Variants in SEMA6B observed in about 807,000 individuals in gnomAD.
The protein encoded by SEMA6B is semaphorin 6B.
A neutral mutation model predicts 78.6 loss-of-function variants in SEMA6B; 47 were observed. That is an observed-to-expected ratio of 0.60 (90% confidence interval 0.47 to 0.76). The LOEUF (loss-of-function observed/expected upper bound fraction) is 0.76, where lower values mean the gene tolerates loss of function less well. SEMA6B is among the 30% of genes least tolerant of loss of function. The pLI is 0.00. For missense variants in SEMA6B, 1,213 were observed against 1,269.9 expected (o/e 0.96, Z 0.68); for synonymous variants, 632 against 592.2 (o/e 1.07, Z -0.98).
rs770429487 is a variant in SEMA6B at position 4,558,348 on chromosome 19, G to A, written c.110C>T (p.Ala37Val). The change falls in exon 2 of 17, where the codon GCC becomes GTC. Residue 37 changes from alanine (A) to valine (V), a missense_variant. Coordinates refer to ENST00000586582, the MANE Select transcript of SEMA6B (RefSeq NM_032108.4). This position sits in a 1 kb window ranked among gnomAD's most constrained non-coding sequence, Gnocchi z 5.1. ...ACCCCCAGACTCACAGTCCCTGGGGGCCACGCTAAGCGGCGGCGGCTCCTC... is the reference window on the plus strand; with the variant it reads ...ACCCCCAGACTCACAGTCCCTGGGGACCACGCTAAGCGGCGGCGGCTCCTC... Reference protein sequence around the residue: ...FPEEPPPLSVAPRDYLNHYPV... With the variant: ...FPEEPPPLSVVPRDYLNHYPV... 5 of 1,307,634 alleles carry A rather than the reference G, an allele frequency of 3.8e-6. No homozygotes were observed. In the African/African-American group the frequency reaches 7.6e-5, roughly 20 times the overall value. The allele number at this position is 1,307,634 out of a possible 1,614,324, so 81.0% of individuals were successfully genotyped here.
chr19:4,546,157 C>T lies in SEMA6B; in HGVS notation c.1738+59G>A, dbSNP rs532315933. 85 of 1,500,942 alleles carry T rather than the reference C, an allele frequency of 5.7e-5. No homozygotes were observed. In the African/African-American group the frequency reaches 1.2e-3, roughly 20 times the overall value. The allele number at this position is 1,500,942 out of a possible 1,614,324, so 93.0% of individuals were successfully genotyped here. A position where few individuals can be genotyped will look rare whatever the true frequency, so the allele number is the denominator to read the frequency against. The stretch of plus-strand genomic sequence containing the variant: ...ATTCGAGGGTCCTCCAGCCTCCTCC[C>T]TCCCCTCCCCCATGGTAGTGGGGGA... On this transcript the variant is annotated intron_variant, in intron 16 of 16. Coordinates refer to ENST00000586582, the MANE Select transcript of SEMA6B (RefSeq NM_032108.4).
chr19:4,543,127 C>T lies in SEMA6B; in HGVS notation c.*474G>A, dbSNP rs1977062831. On this transcript the variant is annotated 3_prime_UTR_variant, in exon 17 of 17. Coordinates refer to ENST00000586582, the MANE Select transcript of SEMA6B (RefSeq NM_032108.4). ...CGGCCCCTTGCACACGAACACGGCA[C>T]GCACACGCACGCACACCCACACACG... is the stretch of plus-strand genomic sequence containing the variant. The T allele has an allele frequency of 4.9e-6, 3 of 616,846 alleles. No individual in the cohort carries two copies. Among genetic ancestry groups the T allele is most frequent in the Non-Finnish European group, 2.9e-6 (1 of 342,868 alleles). 38.2% of individuals were successfully genotyped at this position (616,846 alleles called of 1,614,324 possible).
In SEMA6B at chr19:4,554,317, G is replaced by A. The variant is rs1977412793; in HGVS notation, c.771+71C>T. ...CTCTCACCCCATGCAGGGATTCATG[G>A]ATCCACCTCTGCCCCCTCACTTCGC... On this transcript the variant is annotated intron_variant, in intron 9 of 16. Coordinates refer to ENST00000586582, the MANE Select transcript of SEMA6B (RefSeq NM_032108.4). 3 of 1,235,780 alleles carry A rather than the reference G, an allele frequency of 2.4e-6. No individual in the cohort carries two copies. In the South Asian group the frequency reaches 3.7e-5, roughly 15 times the overall value. The allele number at this position is 1,235,780 out of a possible 1,614,324, so 76.6% of individuals were successfully genotyped here.
chr19:4,549,960 T>A (rs529862239), intron 12 of SEMA6B, among the ~76,000 whole-genome samples, 163 bp downstream of exon 12: 1 of 152,264 alleles, frequency 6.6e-6, no homozygotes, highest in Admixed American at 6.5e-5. Flanking sequence ...GTTCTCTCTT[T>A]CCTAGTGTCT....
At position 4,556,998 on chromosome 19, in the gene SEMA6B, A is replaced by T; in HGVS notation, c.322T>A (p.Ser108Thr). ...CACACGTTTATGTCGCTGGGGTTAG[A>T]TCTCCAGGTCAGCTTCTGCAGACAG... ...LRYQRKLTWR[S>T]NPSDINVCRM... is the part of the protein sequence containing the mutation. The change falls in exon 5 of 17, where the codon TCT (serine) becomes ACT (threonine). Residue 108 changes from serine to threonine, a missense_variant. Physicochemically the swap from Ser to Thr is moderately conservative, Grantham distance 58. Coordinates refer to ENST00000586582, the MANE Select transcript of SEMA6B (RefSeq NM_032108.4). The T allele has an allele frequency of 3.1e-6, 5 of 1,613,158 alleles. No homozygotes were observed. Among genetic ancestry groups the T allele is most frequent in the Non-Finnish European group, 4.2e-6 (5 of 1,179,596 alleles).
chr19:4,554,058 A>T (rs1295428104), intron 9 of SEMA6B, among the ~76,000 whole-genome samples: 2 of 148,936 alleles, frequency 1.3e-5, no homozygotes, highest in Non-Finnish European at 3.0e-5. Context: ...CAGATGGGTA[A>T]GTGGGAGGGT....
Position 4,548,107 on chromosome 19 carries a change from C to G in SEMA6B, c.1521G>C (p.Ser507=), listed in dbSNP as rs1034010028. Reference sequence around the variant, plus strand: ...GGGGGAAGGCAGCCAGCAGGCCCCCCGAAGCTGCGTCCAGCTCCAAGCTCA... The same window carrying G: ...GGGGGAAGGCAGCCAGCAGGCCCCCGGAAGCTGCGTCCAGCTCCAAGCTCA... ...RLLSLELDAA[S]GGLLAAFPRC... Residue 507 remains serine, a synonymous_variant, in exon 14 of 17, where the codon TCG becomes TCC. Transcript: ENST00000586582. 6.9e-6 allele frequency: 11 copies of G among 1,590,600 alleles called. No individual in the cohort carries two copies. The Admixed American group carries it at 1.4e-4, about 20-fold the overall frequency.
chr19:4,544,647 A>C lies in SEMA6B; in HGVS notation c.1739-118T>G. On this transcript the variant is annotated intron_variant, in intron 16 of 16. Coordinates refer to ENST00000586582, the MANE Select transcript of SEMA6B (RefSeq NM_032108.4). This position sits in a 1 kb window ranked among gnomAD's most constrained non-coding sequence, Gnocchi z 5.1. ...TATTTTTATTTTTTTTTATTTATTT[A>C]TTTTTTGAGAAGGAGTCTTCCTTTG... The C allele has an allele frequency of 1.8e-6, 1 of 558,122 alleles. No individual in the cohort carries two copies. The highest frequency in any genetic ancestry group is 2.7e-6 in the Non-Finnish European group (1 of 370,690). The allele number at this position is 558,122 out of a possible 1,614,324, so 34.6% of individuals were successfully genotyped here.
chr19:4,546,933 TAA>T (rs1274235951), intron 14 of SEMA6B, among the ~76,000 whole-genome samples: 1 of 147,008 alleles, frequency 6.8e-6, no homozygotes, highest in Non-Finnish European at 1.5e-5. Context: ...ATTTTAAAAT[TAA>T]AAAAATTTTT....
At chr19:4,547,444 G>C (rs1174710589) in intron 14 of SEMA6B, among the ~76,000 whole-genome samples, 1 of 152,252 alleles carries the variant, frequency 6.6e-6, no homozygotes, top group African/African-American at 2.4e-5. Context: ...CTTGGACTCG[G>C]AGCTACTGGG....
In SEMA6B at chr19:4,558,445, G is replaced by T. The variant is rs1444170347; in HGVS notation, c.13C>A (p.Arg5=). 1.6e-6 allele frequency: 2 copies of T among 1,249,008 alleles called. No individual in the cohort carries two copies. The highest frequency in any genetic ancestry group is 4.1e-5 in the Admixed American group (1 of 24,154). The allele number at this position is 1,249,008 out of a possible 1,614,324, so 77.4% of individuals were successfully genotyped here. MQTP[R]ASPPRPALLL... ...AGGGCCGGGCGGGGAGGGGACGCTC[G>T]CGGGGTCTGCATGGCGAGGGCCAGG... is the stretch of plus-strand genomic sequence containing the variant. The change falls in exon 2 of 17, where the codon CGA becomes AGA. Residue 5 remains arginine, a synonymous_variant. Coordinates refer to ENST00000586582, the MANE Select transcript of SEMA6B (RefSeq NM_032108.4). This position sits in a 1 kb window ranked among gnomAD's most constrained non-coding sequence, Gnocchi z 5.1.
Position 4,552,494 on chromosome 19 carries a change from T to C in SEMA6B, c.917A>G (p.Gln306Arg). 6.2e-7 allele frequency: 1 copy of C among 1,612,254 alleles called. No homozygotes were observed. Among genetic ancestry groups the C allele is most frequent in the Non-Finnish European group, 8.5e-7 (1 of 1,179,734 alleles). The change falls in exon 10 of 17, where the codon CAG becomes CGG. Residue 306 changes from glutamine (Q) to arginine (R), a missense_variant. Coordinates refer to ENST00000586582, the MANE Select transcript of SEMA6B (RefSeq NM_032108.4). The surrounding 1 kb of genome is among the most constrained non-coding windows in gnomAD (Gnocchi z 7.4). ...GAGGCTGACCACGCCCGTGACAGCC[T>C]GCAGCACGTTGAAGTAGAAATGGGA... is the stretch of plus-strand genomic sequence containing the variant. ...GDSHFYFNVL[Q>R]AVTGVVSLGG...
rs112291865 is a variant in SEMA6B at position 4,544,181 on chromosome 19, T to A, written c.2087A>T (p.Gln696Leu). 1.6e-6 allele frequency: 2 copies of A among 1,269,590 alleles called. No homozygotes were observed. The highest frequency in any genetic ancestry group is 3.1e-5 in the African/African-American group (2 of 64,278). 78.6% of individuals were successfully genotyped at this position (1,269,590 alleles called of 1,614,324 possible). A position where few individuals can be genotyped will look rare whatever the true frequency, so the allele number is the denominator to read the frequency against. ...QNGWAKATLL[Q>L]GGPHDLDSGL... ...CGAGTCCAGGTCGTGGGGCCCGCCC[T>A]GCAGCAGCGTGGCCTTGGCCCAGCC... Residue 696 changes from glutamine (Q) to leucine (L), a missense_variant, in exon 17 of 17, where the codon CAG becomes CTG. Transcript: ENST00000586582. The surrounding 1 kb of genome is among the most constrained non-coding windows in gnomAD (Gnocchi z 5.1).
Position 4,543,850 on chromosome 19 carries a change from G to A in SEMA6B, c.2418C>T (p.Gly806=). 1 of 1,210,740 alleles carries A rather than the reference G, an allele frequency of 8.3e-7. No homozygotes were observed. The highest frequency in any genetic ancestry group is 1.0e-6 in the Non-Finnish European group (1 of 974,652). The allele number at this position is 1,210,740 out of a possible 1,614,324, so 75.0% of individuals were successfully genotyped here. A position where few individuals can be genotyped will look rare whatever the true frequency, so the allele number is the denominator to read the frequency against. Residue 806 remains glycine (G), a synonymous_variant, in exon 17 of 17, where the codon GGC becomes GGT. Transcript: ENST00000586582. ...DRRRVVSAPT[G]PLDPASAADG... is the part of the protein sequence containing the mutation. ...CGGCGGCTGAGGCTGGGTCCAAGGG[G>A]CCCGTGGGCGCGGACACCACCCGCC...
Position 4,543,854 on chromosome 19 carries a change from G to A in SEMA6B, c.2414C>T (p.Thr805Met). The A allele has an allele frequency of 8.3e-7, 1 of 1,210,180 alleles. No individual in the cohort carries two copies. Among genetic ancestry groups the A allele is most frequent in the Non-Finnish European group, 1.0e-6 (1 of 974,350 alleles). 75.0% of individuals were successfully genotyped at this position (1,210,180 alleles called of 1,614,324 possible). The change falls in exon 17 of 17, where the codon ACG becomes ATG. Residue 805 changes from threonine (T) to methionine (M), a missense_variant. Coordinates refer to ENST00000586582, the MANE Select transcript of SEMA6B (RefSeq NM_032108.4). ...GGCTGAGGCTGGGTCCAAGGGGCCC[G>A]TGGGCGCGGACACCACCCGCCGGCG... ...PDRRRVVSAP[T>M]GPLDPASAAD...
In SEMA6B at chr19:4,550,801, G is replaced by C. The variant is rs1417551516; in HGVS notation, c.1119C>G (p.Pro373=). 6.2e-7 allele frequency: 1 copy of C among 1,613,294 alleles called. No individual in the cohort carries two copies. The highest frequency in any genetic ancestry group is 8.5e-7 in the Non-Finnish European group (1 of 1,179,986). Residue 373 remains proline, a splice_region_variant and synonymous_variant, in exon 11 of 17, where the codon CCC becomes CCG. Coordinates refer to ENST00000586582, the MANE Select transcript of SEMA6B (RefSeq NM_032108.4). The surrounding 1 kb of genome is among the most constrained non-coding windows in gnomAD (Gnocchi z 6.6). ...TPVPEDQVPR[P]RPGCCAAPGM... is the part of the protein sequence containing the mutation. Reference sequence around the variant, plus strand: ...CTCAGGATGGAGGGGGTTCTCACCGGGGTCGAGGCACCTGATCCTCCGGCA... The same window carrying C: ...CTCAGGATGGAGGGGGTTCTCACCGCGGTCGAGGCACCTGATCCTCCGGCA...
chr19:4,557,371 C>G, intron 3 of SEMA6B, 148 bp from the exon 4 acceptor site: 1 of 618,272 alleles, frequency 1.6e-6, no homozygotes, highest in Non-Finnish European at 2.8e-6. Context: ...CGACCACACC[C>G]CCCCAAGGGC....
At chr19:4,549,635 C>T (rs894037135) in intron 12 of SEMA6B, among the ~76,000 whole-genome samples, 6 of 152,262 alleles carry the variant, frequency 3.9e-5, no homozygotes, top group East Asian at 1.9e-4. Context: ...CCTGCCACCA[C>T]GCCCAGCTAA....
Position 4,555,652 on chromosome 19 carries a change from C to A in SEMA6B, c.472-88G>T. The A allele has an allele frequency of 9.7e-7, 1 of 1,033,060 alleles. No individual in the cohort carries two copies. 64.0% of individuals were successfully genotyped at this position (1,033,060 alleles called of 1,614,324 possible). On this transcript the variant is annotated intron_variant, in intron 6 of 16. Coordinates refer to ENST00000586582, the MANE Select transcript of SEMA6B (RefSeq NM_032108.4). The surrounding 1 kb of genome is among the most constrained non-coding windows in gnomAD (Gnocchi z 6.1). Reference sequence around the variant, plus strand: ...CTCAGCCCCCCACTCCAGGGGGAATCCTGATCCACCACGGATTACTGTGTG... The same window carrying A: ...CTCAGCCCCCCACTCCAGGGGGAATACTGATCCACCACGGATTACTGTGTG...
Sources: gnomAD v4.1 joint callset for allele counts (sites outside exome capture counted in the v4.1 genomes callset) on GRCh38, gnomAD v4.1.1 for gene constraint, Gnocchi (gnomAD v3.1) non-coding constraint, MANE v1.5 for transcripts, NCBI Gene and HGNC (gene_info 2026-07-23, HGNC 2026-07-21) for gene names.